The following ANKHD1 variants were observed in gnomAD, a reference collection of about 807,000 sequenced individuals.
ANKHD1 encodes the protein ankyrin repeat and KH domain containing 1.
A neutral mutation model predicts 230.5 loss-of-function variants in ANKHD1; 31 were observed. The ratio of observed to expected loss-of-function variants is 0.13; its 90% CI spans 0.10 to 0.18. The LOEUF (loss-of-function observed/expected upper bound fraction) is 0.18. Among genes scored for constraint, ANKHD1 ranks in the 10% least tolerant of loss-of-function variants. The probability of loss-of-function intolerance (pLI) is 1.00; values close to 1 mark genes in which losing one functional copy is unlikely to be tolerated. For synonymous variants in ANKHD1, 1,074 were observed against 1,117.6 expected (o/e 0.96, Z 0.78); for missense variants, 2,256 against 3,071.3 (o/e 0.73, Z 6.27).
At chr5:140,406,421 G>T (rs1023745739) in intron 1 of ANKHD1, among the ~76,000 whole-genome samples, 1 of 152,006 alleles carries the variant, frequency 6.6e-6, no homozygotes, top group Non-Finnish European at 1.5e-5. Context: ...TCTACATTTT[G>T]TGTACAGAGG....
At chr5:140,474,810 C>T (rs544610972) in intron 10 of ANKHD1, among the ~76,000 whole-genome samples, 2 of 151,868 alleles carry the variant, frequency 1.3e-5, no homozygotes, top group East Asian at 3.9e-4. Context: ...CTTGCCCAGA[C>T]TTGTAGTGTA....
chr5:140,490,289 TATTA>T (rs1196380943), intron 14 of ANKHD1, among the ~76,000 whole-genome samples: 1 of 152,212 alleles, frequency 6.6e-6, no homozygotes, highest in Non-Finnish European at 1.5e-5. Context: ...TAAATCTTTT[TATTA>T]TTCATATCCT....
chr5:140,407,707 A>C (rs898111992), intron 1 of ANKHD1, among the ~76,000 whole-genome samples: 1 of 152,208 alleles, frequency 6.6e-6, no homozygotes, highest in Non-Finnish European at 1.5e-5. Context: ...CCAATTTTTA[A>C]ATTTTAATTT....
At chr5:140,533,485 GC>G (rs1377476636) in intron 29 of ANKHD1, among the ~76,000 whole-genome samples, 4 of 152,150 alleles carry the variant, frequency 2.6e-5, no homozygotes, top group Non-Finnish European at 5.9e-5. Context: ...TGTGGTCGCA[GC>G]TACTTGGGAG....
At chr5:140,421,188 C>G (rs761139041) in intron 1 of ANKHD1, among the ~76,000 whole-genome samples, 25 of 151,292 alleles carry the variant, frequency 1.7e-4, no homozygotes, top group Non-Finnish European at 2.4e-4. Flanking sequence ...TAGTTGTCTT[C>G]TGAGTGGACT....
chr5:140,493,191 A>T (rs1266971084), intron 14 of ANKHD1, among the ~76,000 whole-genome samples: 1 of 152,094 alleles, frequency 6.6e-6, no homozygotes, highest in East Asian at 1.9e-4. Context: ...CCTTCTGAGT[A>T]GCTGGGATTA....
At chr5:140,455,029 G>T (rs1014014570) in intron 7 of ANKHD1, among the ~76,000 whole-genome samples, 4 of 151,978 alleles carry the variant, frequency 2.6e-5, no homozygotes, top group Non-Finnish European at 5.9e-5. Context: ...TGATAAAGGG[G>T]ATATCACCAC....
chr5:140,490,276 T>C (rs1835961), intron 14 of ANKHD1, among the ~76,000 whole-genome samples: 3,045 of 152,316 alleles, frequency 0.02, 107 homozygotes, highest in African/African-American at 0.07. Context: ...TGTCTGTTTT[T>C]AGTAAATCTT....
chr5:140,511,665 C>G (rs1041901512), intron 22 of ANKHD1, among the ~76,000 whole-genome samples: 6 of 152,166 alleles, frequency 3.9e-5, no homozygotes, highest in African/African-American at 1.4e-4. Context: ...TGTTTATATA[C>G]CCAGTTGTTT....
chr5:140,528,627 G>C lies in ANKHD1; in HGVS notation c.5681G>C (p.Arg1894Thr). The C allele has an allele frequency of 6.2e-7, 1 of 1,614,144 alleles. No individual in the cohort carries two copies. Among genetic ancestry groups the C allele is most frequent in the Non-Finnish European group, 8.5e-7 (1 of 1,180,028 alleles). The change falls in exon 29 of 34, where the codon AGA becomes ACA. Residue 1894 changes from arginine to threonine, a missense_variant. By Grantham distance (71) the Arg-to-Thr change is moderately conservative. This residue lies in a region of ANKHD1 where 778 missense variants were observed against 966.5 expected (regional missense o/e 0.80). Transcript: ENST00000360839. ...AACACATGGGGACCATTCCCAGTGA[G>C]ACCTGTGAATCCTGGCAACACAAAT... Reference protein sequence around the residue: ...SPNTWGPFPVRPVNPGNTNSS... With the variant: ...SPNTWGPFPVTPVNPGNTNSS...
In ANKHD1 at chr5:140,436,265, AT is replaced by A; in HGVS notation, c.460+14del. On this transcript the variant is annotated intron_variant, in intron 2 of 33. Coordinates refer to ENST00000360839, the MANE Select transcript of ANKHD1 (RefSeq NM_017747.3). ...CATTGCTAGAAGCAGCAGGTACTTT[AT>A]TTTTTGTTTTATCTTTTTCATATCT... 1 of 1,538,092 alleles carries A rather than the reference AT, an allele frequency of 6.5e-7. No homozygotes were observed. The highest frequency in any genetic ancestry group is 8.7e-7 in the Non-Finnish European group (1 of 1,146,408).
intron 15 of ANKHD1, among the ~76,000 whole-genome samples, chr5:140,501,992 A>G (rs1212112094): frequency 6.6e-6 from 1 of 151,880 alleles, no homozygotes; most frequent in East Asian, 1.9e-4. Flanking sequence ...GCATGAGGCC[A>G]AGAGTTCAAG....
chr5:140,486,232 T>G (rs974103900), intron 13 of ANKHD1, among the ~76,000 whole-genome samples: 3 of 152,064 alleles, frequency 2.0e-5, no homozygotes, highest in African/African-American at 7.2e-5. Flanking sequence ...GCCCAGCTAA[T>G]TTTTTGTATT....
chr5:140,419,684 T>TC (rs1771714650), intron 1 of ANKHD1, among the ~76,000 whole-genome samples: 1 of 151,640 alleles, frequency 6.6e-6, no homozygotes, highest in South Asian at 2.1e-4. Context: ...GGTCTTGAGG[T>TC]CTTGAACTCC....
chr5:140,503,778 G>C (rs1752422960), intron 15 of ANKHD1, among the ~76,000 whole-genome samples: 1 of 151,438 alleles, frequency 6.6e-6, no homozygotes, highest in African/African-American at 2.4e-5. Flanking sequence ...TGGTAGCCAG[G>C]CTGGTCCTGA....
rs181197917 is a variant in ANKHD1, at chr5:140,457,399, G to A, written c.1243-1226G>A. Among the ~76,000 whole-genome samples the A allele has an allele frequency of 1.2e-4, 18 of 152,336 alleles. No homozygotes were observed. In the East Asian group the frequency reaches 2.5e-3, roughly 21 times the overall value. ...AAATCATGCTGCTATAAAGACAGAT[G>A]CACACATATGTTTATTGCGGCACTA... On this transcript the variant is annotated intron_variant, in intron 7 of 33. Transcript: ENST00000360839.
chr5:140,511,363 G>T (rs1007583857), intron 22 of ANKHD1, among the ~76,000 whole-genome samples: 6 of 152,112 alleles, frequency 3.9e-5, no homozygotes, highest in East Asian at 1.9e-4. Context: ...ACTGCCTCAG[G>T]GCCTTTGCTC....
At chr5:140,469,588 G>A (rs966702007) in intron 10 of ANKHD1, among the ~76,000 whole-genome samples, 5 of 151,900 alleles carry the variant, frequency 3.3e-5, no homozygotes, top group African/African-American at 7.3e-5. Context: ...GCGAACTATA[G>A]AAAACACAGG....
At chr5:140,531,010 G>C (rs1352799621) in intron 29 of ANKHD1, among the ~76,000 whole-genome samples, 1 of 152,154 alleles carries the variant, frequency 6.6e-6, no homozygotes, top group Non-Finnish European at 1.5e-5. Flanking sequence ...ACTATCTATG[G>C]TCCAAAATAT....
Sources: gnomAD v4.1 joint callset for allele counts (sites outside exome capture counted in the v4.1 genomes callset) on GRCh38, gnomAD v4.1.1 for gene constraint, gnomAD v4.1.1 regional missense constraint, MANE v1.5 for transcripts, NCBI Gene and HGNC (gene_info 2026-07-23, HGNC 2026-07-21) for gene names.